SF3B3: variants seen among roughly 807,000 people sequenced by gnomAD.
SF3B3 encodes the protein SAP 130.
Under a neutral mutation model 139.2 loss-of-function variants are expected in SF3B3, and 33 were observed. The observed-to-expected ratio is 0.24, with a 90% CI of 0.18 to 0.32. SF3B3 has a LOEUF of 0.32. Ranked by LOEUF, SF3B3 falls within the 10% of genes least tolerant of loss-of-function variation. The probability of loss-of-function intolerance (pLI) is 1.00; values close to 1 mark genes in which losing one functional copy is unlikely to be tolerated. For missense variants in SF3B3, 818 were observed against 1,509.4 expected, an observed-to-expected ratio of 0.54 and a Z score of 7.59; for synonymous variants, 596 against 563.6, an observed-to-expected ratio of 1.06 and a Z score of -0.81.
intron 3 of SF3B3, 96 bp downstream of exon 3, chr16:70,529,295 G>T: frequency 1.0e-6 from 1 of 996,222 alleles, no homozygotes; most frequent in Non-Finnish European, 1.5e-6. Context: ...ACTTATGTGG[G>T]TTTGGCATCA....
In SF3B3 at chr16:70,574,465, G is replaced by A. The variant is rs1375707333; in HGVS notation, c.*2652G>A. On this transcript the variant is annotated 3_prime_UTR_variant, in exon 26 of 26. Coordinates refer to ENST00000302516, the MANE Select transcript of SF3B3 (RefSeq NM_012426.5). Reference sequence around the variant, plus strand: ...CCCAAAGCACTGGGATTATAGGTGTGAGCCATTGCGCCTGGTCATAAATTC... The same window carrying A: ...CCCAAAGCACTGGGATTATAGGTGTAAGCCATTGCGCCTGGTCATAAATTC... The A allele has an allele frequency of 6.6e-6, 1 of 152,222 alleles. No homozygotes were observed. The highest frequency in any genetic ancestry group is 1.5e-5 in the Non-Finnish European group (1 of 68,084). 9.4% of individuals were successfully genotyped at this position (152,222 alleles called of 1,614,324 possible). A position where few individuals can be genotyped will look rare whatever the true frequency, so the allele number is the denominator to read the frequency against.
chr16:70,571,619 A>AT (rs2050530348), intron 25 of SF3B3, 54 bp from the exon 26 acceptor site: 2 of 1,576,026 alleles, frequency 1.3e-6, no homozygotes, highest in Non-Finnish European at 1.7e-6. Flanking sequence ...AGCATGTGCC[A>AT]TTTTCTTTGG....
rs559650893 is a variant in SF3B3 at position 70,530,314 on chromosome 16, CTTTTTTT to C, written c.398-420_398-414del. Among the ~76,000 whole-genome samples, 163 of 126,000 alleles carry C rather than the reference CTTTTTTT, an allele frequency of 1.3e-3. 2 individuals are homozygous for C. Among genetic ancestry groups the C allele is most frequent in the African/African-American group, 4.3e-3 (134 of 31,314 alleles). The allele number at this position is 126,000 out of a possible 152,430, so 82.7% of individuals were successfully genotyped here. A position where few individuals can be genotyped will look rare whatever the true frequency, so the allele number is the denominator to read the frequency against. Reference sequence around the variant, plus strand: ...GTGCCCAGCTCCACTATTGTCTATTCTTTTTTTTTTTTTTTTTCAAATGAGGCAGAGT... The same window carrying C: ...GTGCCCAGCTCCACTATTGTCTATTCTTTTTTTTTTCAAATGAGGCAGAGT... On this transcript the variant is annotated intron_variant, in intron 3 of 25. Coordinates refer to ENST00000302516, the MANE Select transcript of SF3B3 (RefSeq NM_012426.5).
intron 16 of SF3B3, 68 bp downstream of exon 16, chr16:70,560,659 T>G: frequency 1.3e-6 from 2 of 1,560,492 alleles, no homozygotes; most frequent in Middle Eastern, 1.9e-4. Context: ...AGAACAATCT[T>G]TGCTGTAAGC....
At position 70,548,484 on chromosome 16, in the gene SF3B3, G is replaced by A. The variant is rs761006695; in HGVS notation, c.1402+42G>A. The A allele has an allele frequency of 2.6e-6, 4 of 1,539,394 alleles. No individual in the cohort carries two copies. The African/African-American group carries it at 4.1e-5, about 16-fold the overall frequency. On this transcript the variant is annotated intron_variant, in intron 11 of 25. Coordinates refer to ENST00000302516, the MANE Select transcript of SF3B3 (RefSeq NM_012426.5). ...CAATAGTCAAAATGAGGATCTAGGT[G>A]CCATTGACATAGAAGGCTTGAAAGG...
rs746892131 is a variant in SF3B3, at chr16:70,529,092, A to C, written c.290A>C (p.Asn97Thr). 1 of 1,614,192 alleles carries C rather than the reference A, an allele frequency of 6.2e-7. No individual in the cohort carries two copies. Among genetic ancestry groups the C allele is most frequent in the South Asian group, 1.1e-5 (1 of 91,080 alleles). ...ATTTTGGAATACCAGCCATCTAAGA[A>C]TATGTTTGAGAAGATTCACCAAGAA... is the stretch of plus-strand genomic sequence containing the variant. The part of the protein sequence containing the change: ...IVILEYQPSK[N>T]MFEKIHQETF... Residue 97 changes from asparagine to threonine, a missense_variant, in exon 3 of 26, where the codon AAT becomes ACT. Around this residue, in one of 14 missense-constraint regions of SF3B3, gnomAD observed 144 missense variants for 259.2 expected, o/e 0.56. Transcript: ENST00000302516.
intron 11 of SF3B3, among the ~76,000 whole-genome samples, chr16:70,551,266 C>G (rs963212865): frequency 1.1e-4 from 16 of 152,176 alleles, no homozygotes; most frequent in Non-Finnish European, 2.9e-5. Context: ...AAGATACAGT[C>G]TCATACCCTT....
chr16:70,568,635 AG>A, intron 22 of SF3B3, 140 bp downstream of exon 22: 1 of 672,710 alleles, frequency 1.5e-6, no homozygotes, highest in East Asian at 2.7e-5. Context: ...TAACTCTACA[AG>A]CAATCTGTTC....
intron 21 of SF3B3, among the ~76,000 whole-genome samples, chr16:70,567,820 G>A (rs1333778971): frequency 1.3e-5 from 2 of 152,122 alleles, no homozygotes; most frequent in African/African-American, 2.4e-5. Flanking sequence ...CAAGTAGCTG[G>A]GATTACAGAT....
chr16:70,573,840 G>T lies in SF3B3; in HGVS notation c.*2027G>T, dbSNP rs1170157563. On this transcript the variant is annotated 3_prime_UTR_variant, in exon 26 of 26. Transcript: ENST00000302516. ...TAAGCCCTTGTGACTTGGATCCTAG[G>T]ACTGAAAAGTTTTTAGCTGCCTCAG... The T allele has an allele frequency of 6.6e-6, 1 of 152,210 alleles. No homozygotes were observed. Among genetic ancestry groups the T allele is most frequent in the Non-Finnish European group, 1.5e-5 (1 of 68,038 alleles). The allele number at this position is 152,210 out of a possible 1,614,324, so 9.4% of individuals were successfully genotyped here.
At chr16:70,524,127 A>T (rs973267500) in intron 1 of SF3B3, 199 bp downstream of exon 1, 2 of 369,908 alleles carry the variant, frequency 5.4e-6, no homozygotes, top group Non-Finnish European at 4.8e-6. Context: ...CAGTGTGGGA[A>T]CATATTCTAT....
intron 15 of SF3B3, among the ~76,000 whole-genome samples, chr16:70,558,213 A>G (rs1236850839): frequency 1.3e-5 from 2 of 152,160 alleles, no homozygotes; most frequent in Non-Finnish European, 2.9e-5. Flanking sequence ...ATGTAAGGTG[A>G]ACTACAGGTG....
intron 8 of SF3B3, among the ~76,000 whole-genome samples, chr16:70,540,193 G>A (rs1301107548): frequency 2.0e-5 from 3 of 149,374 alleles, no homozygotes; most frequent in South Asian, 2.2e-4. Flanking sequence ...TCGGGAGTTC[G>A]AGACCAGCCT....
chr16:70,560,401 G>C, intron 15 of SF3B3, 68 bp from the exon 16 acceptor site: 1 of 1,557,740 alleles, frequency 6.4e-7, no homozygotes, highest in Non-Finnish European at 8.8e-7. Flanking sequence ...AGTACCCAAG[G>C]GAGAGGTTTT....
chr16:70,525,668 A>G (rs1433594509), intron 1 of SF3B3, among the ~76,000 whole-genome samples: 1 of 152,038 alleles, frequency 6.6e-6, no homozygotes, highest in Non-Finnish European at 1.5e-5. Flanking sequence ...AACGTTAAAC[A>G]TATACCTTAG....
At chr16:70,545,433 G>T (rs570547993) in intron 10 of SF3B3, among the ~76,000 whole-genome samples, 1 of 152,150 alleles carries the variant, frequency 6.6e-6, no homozygotes. Flanking sequence ...TTTATTTAGT[G>T]AATCTTTTAT....
At chr16:70,554,217 A>G in intron 11 of SF3B3, 1 of 412,166 alleles carries the variant, frequency 2.4e-6, no homozygotes, top group Non-Finnish European at 4.4e-6. Context: ...TCTTTAGCAG[A>G]TGTCTCAAGA....
intron 15 of SF3B3, 109 bp downstream of exon 15, chr16:70,557,138 C>T: frequency 8.3e-7 from 1 of 1,208,820 alleles, no homozygotes; most frequent in Non-Finnish European, 1.1e-6. Context: ...AGATCCTCAC[C>T]TTATGAAAAG....
At chr16:70,534,283 A>ATTATTATGATTT (rs1220243085) in intron 5 of SF3B3, among the ~76,000 whole-genome samples, 1 of 152,230 alleles carries the variant, frequency 6.6e-6, no homozygotes, top group Admixed American at 6.5e-5. Flanking sequence ...CAAATAATTA[A>ATTATTATGATTT]AAGCTCATTA....
Sources: gnomAD v4.1 joint callset for allele counts (sites outside exome capture counted in the v4.1 genomes callset) on GRCh38, gnomAD v4.1.1 for gene constraint, gnomAD v4.1.1 regional missense constraint, MANE v1.5 for transcripts, NCBI Gene and HGNC (gene_info 2026-07-23, HGNC 2026-07-21) for gene names.